Variants in LAMA2 observed in about 807,000 individuals in gnomAD.
LAMA2 encodes the protein laminin subunit alpha-2.
LAMA2 carries 269 observed loss-of-function variants against 364.8 expected under a neutral mutation model. That is an observed-to-expected ratio of 0.74 (90% CI 0.67 to 0.82). The LOEUF (loss-of-function observed/expected upper bound fraction) is 0.82. Among genes scored for constraint, LAMA2 ranks in the 40% least tolerant of loss-of-function variants. LAMA2 has a pLI of 0.00. For missense variants in LAMA2, 3,807 were observed against 3,873.2 expected, an observed-to-expected ratio of 0.98 and a Z score of 0.45; for synonymous variants, 1,379 against 1,370.6, an observed-to-expected ratio of 1.01 and a Z score of -0.14.
rs557619492 is a variant in LAMA2, at chr6:129,239,184, A to G, written c.1783-10928A>G. 5.3e-5 allele frequency among the ~76,000 whole-genome samples: 8 copies of G among 152,270 alleles called. No individual in the cohort carries two copies. In the South Asian group the frequency reaches 1.4e-3, roughly 28 times the overall value. On this transcript the variant is annotated intron_variant, in intron 12 of 64. Coordinates refer to ENST00000421865, the MANE Select transcript of LAMA2 (RefSeq NM_000426.4). Reference sequence around the variant, plus strand: ...AGGTAGTTACTGTTATATTGTTTTGATTTCCCTGATGGAGACTTGACACAA... The same window carrying G: ...AGGTAGTTACTGTTATATTGTTTTGGTTTCCCTGATGGAGACTTGACACAA...
At chr6:129,008,648 A>T (rs1003552480) in intron 1 of LAMA2, among the ~76,000 whole-genome samples, 7 of 152,206 alleles carry the variant, frequency 4.6e-5, no homozygotes, top group Admixed American at 3.9e-4. Context: ...ATGCAAAAGT[A>T]ATAATAATAT....
rs759489267 is a variant in LAMA2, at chr6:129,453,031, A to G, written c.6473A>G (p.Tyr2158Cys). The change falls in exon 46 of 65, where the codon TAC becomes TGC. Residue 2158 changes from tyrosine to cysteine, a missense_variant. Tyr to Cys is a radical substitution (Grantham distance 194). Coordinates refer to ENST00000421865, the MANE Select transcript of LAMA2 (RefSeq NM_000426.4). Reference sequence around the variant, plus strand: ...TCAGGAGGTGACTGCATTCGAACATACAAACCAGAAATCAAGAAAGGAAGT... The same window carrying G: ...TCAGGAGGTGACTGCATTCGAACATGCAAACCAGAAATCAAGAAAGGAAGT... Reference protein sequence around the residue: ...VSSGGDCIRTYKPEIKKGSYN... With the variant: ...VSSGGDCIRTCKPEIKKGSYN... The G allele has an allele frequency of 1.9e-6, 3 of 1,613,012 alleles. No individual in the cohort carries two copies. Among genetic ancestry groups the G allele is most frequent in the Middle Eastern group, 1.7e-4 (1 of 6,050 alleles).
chr6:129,111,235 A>G (rs1183341978), intron 4 of LAMA2, among the ~76,000 whole-genome samples: 1 of 152,018 alleles, frequency 6.6e-6, no homozygotes, highest in Non-Finnish European at 1.5e-5. Flanking sequence ...CAGACTGACT[A>G]CAGCCAAATA....
intron 20 of LAMA2, among the ~76,000 whole-genome samples, chr6:129,296,940 G>T (rs577004512): frequency 6.6e-6 from 1 of 152,224 alleles, no homozygotes; most frequent in South Asian, 2.1e-4. Context: ...AGCTGGTAAT[G>T]CAAACTTGAC....
intron 20 of LAMA2, chr6:129,293,032 G>C: frequency 1.0e-6 from 1 of 985,928 alleles, no homozygotes; most frequent in Non-Finnish European, 1.2e-6. Flanking sequence ...AGCTCCAGCG[G>C]GTGCCCTCGG....
chr6:129,077,629 C>T (rs1370714803), intron 3 of LAMA2, among the ~76,000 whole-genome samples: 4 of 152,052 alleles, frequency 2.6e-5, no homozygotes, highest in East Asian at 1.9e-4. Context: ...TTATTTTGTT[C>T]GAATATGTAT....
At chr6:129,134,379 CTAAAG>C (rs1174447174) in intron 4 of LAMA2, among the ~76,000 whole-genome samples, 1 of 152,210 alleles carries the variant, frequency 6.6e-6, no homozygotes, top group Admixed American at 6.5e-5. Context: ...CTTTTACTTA[CTAAAG>C]TACTTAAGTA....
chr6:128,943,741 G>A (rs929148676), intron 1 of LAMA2, among the ~76,000 whole-genome samples: 21 of 152,154 alleles, frequency 1.4e-4, no homozygotes, highest in African/African-American at 4.6e-4. Context: ...AGAAAACTCA[G>A]CAAAATTATT....
At chr6:129,119,734 C>T (rs754370448) in intron 4 of LAMA2, among the ~76,000 whole-genome samples, 1 of 151,914 alleles carries the variant, frequency 6.6e-6, no homozygotes, top group Non-Finnish European at 1.5e-5. Context: ...ATTTTTAGTA[C>T]AGACGGGGTT....
chr6:129,109,023 T>G lies in LAMA2; in HGVS notation c.639+10608T>G, dbSNP rs565527306. Reference sequence around the variant, plus strand: ...TTTGCATCCATTATAACATTACTATTTGAATTTAACTTCCTTCCAATATAC... The same window carrying G: ...TTTGCATCCATTATAACATTACTATGTGAATTTAACTTCCTTCCAATATAC... On this transcript the variant is annotated intron_variant, in intron 4 of 64. Coordinates refer to ENST00000421865, the MANE Select transcript of LAMA2 (RefSeq NM_000426.4). Among the ~76,000 whole-genome samples the G allele has an allele frequency of 2.6e-5, 4 of 152,276 alleles. 1 individual carries two copies. In the South Asian group the frequency reaches 8.3e-4, roughly 32 times the overall value.
At chr6:129,098,080 T>TA in intron 3 of LAMA2, 93 bp from the exon 4 acceptor site, 3 of 1,311,396 alleles carry the variant, frequency 2.3e-6, no homozygotes, top group Admixed American at 3.4e-5. Flanking sequence ...AAATCTGAAA[T>TA]AAAATCTACT....
chr6:129,080,895 A>G (rs7738133), intron 3 of LAMA2, among the ~76,000 whole-genome samples: 113,219 of 151,988 alleles, frequency 0.74, 44,271 homozygotes, highest in East Asian at 0.97. Flanking sequence ...ATTACTGGGT[A>G]TATACCCAAA....
chr6:129,501,107 T>C (rs1448329807), intron 58 of LAMA2, among the ~76,000 whole-genome samples: 2 of 152,178 alleles, frequency 1.3e-5, no homozygotes, highest in Non-Finnish European at 2.9e-5. Context: ...AAGCTGCGTG[T>C]GTTTATCGAG....
intron 8 of LAMA2, among the ~76,000 whole-genome samples, chr6:129,157,133 A>T (rs193059727): frequency 6.6e-6 from 1 of 152,128 alleles, no homozygotes; most frequent in Non-Finnish European, 1.5e-5. Context: ...GGCAAAGTCT[A>T]TTTCTCCAAC....
At chr6:128,934,762 G>A (rs1779709033) in intron 1 of LAMA2, among the ~76,000 whole-genome samples, 1 of 152,102 alleles carries the variant, frequency 6.6e-6, no homozygotes, top group Admixed American at 6.6e-5. Flanking sequence ...GCCCACCTCA[G>A]CCTCCCAAAG....
intron 31 of LAMA2, among the ~76,000 whole-genome samples, chr6:129,350,020 G>A (rs1441401908): frequency 6.6e-6 from 1 of 152,090 alleles, no homozygotes; most frequent in Admixed American, 6.6e-5. Context: ...AATCCAAATG[G>A]TAAATTAAGG....
chr6:129,314,741 C>G lies in LAMA2; in HGVS notation c.3498C>G (p.Cys1166Trp). 2 of 1,613,988 alleles carry G rather than the reference C, an allele frequency of 1.2e-6. No homozygotes were observed. Among genetic ancestry groups the G allele is most frequent in the Non-Finnish European group, 1.7e-6 (2 of 1,180,028 alleles). The change falls in exon 24 of 65, where the codon TGC (cysteine) becomes TGG (tryptophan). Residue 1166 changes from cysteine to tryptophan, a missense_variant. Cys to Trp is a radical substitution (Grantham distance 215). Around this residue, in one of 3 missense-constraint regions of LAMA2, gnomAD observed 3,333 missense variants for 3,345.7 expected, o/e 1.00. Transcript: ENST00000421865. ...AGAATCCACTTGGCTGCAGCAGCTG[C>G]TATTGCTTCGGCACTACTACCCAGT... ...DAKNPLGCSS[C>W]YCFGTTTQCS...
chr6:129,057,620 G>A (rs775437942), intron 2 of LAMA2, among the ~76,000 whole-genome samples: 10 of 152,048 alleles, frequency 6.6e-5, no homozygotes, highest in African/African-American at 9.7e-5. Context: ...TGCTGTGAGC[G>A]GAATTTTGTT....
At chr6:129,335,851 C>G (rs1383031986) in intron 29 of LAMA2, among the ~76,000 whole-genome samples, 2 of 152,134 alleles carry the variant, frequency 1.3e-5, no homozygotes, top group Admixed American at 6.5e-5. Context: ...ACTGCGTTCT[C>G]CAGACGGCAA....
Sources: gnomAD v4.1 joint callset for allele counts (sites outside exome capture counted in the v4.1 genomes callset) on GRCh38, gnomAD v4.1.1 for gene constraint, gnomAD v4.1.1 regional missense constraint, MANE v1.5 for transcripts, NCBI Gene and HGNC (gene_info 2026-07-23, HGNC 2026-07-21) for gene names.